Variants in LPIN2 observed in about 807,000 individuals in gnomAD.
The protein encoded by LPIN2 is lipin 2.
Under a neutral mutation model 111.4 loss-of-function variants are expected in LPIN2, and 55 were observed. The ratio of observed to expected loss-of-function variants is 0.49; its 90% CI spans 0.40 to 0.62. LPIN2 has a LOEUF of 0.62. Among genes scored for constraint, LPIN2 ranks in the 20% least tolerant of loss-of-function variants. LPIN2 has a pLI of 0.00. For missense variants in LPIN2, 992 were observed against 1,112.1 expected (o/e 0.89, Z 1.54); for synonymous variants, 425 against 414.0 (o/e 1.03, Z -0.32).
In LPIN2 at chr18:2,928,649, C is replaced by A. The variant is rs1351641398; in HGVS notation, c.1562G>T (p.Trp521Leu). 6.2e-7 allele frequency: 1 copy of A among 1,612,892 alleles called. No individual in the cohort carries two copies. Among genetic ancestry groups the A allele is most frequent in the Non-Finnish European group, 8.5e-7 (1 of 1,179,424 alleles). Residue 521 changes from tryptophan to leucine, a missense_variant, in exon 11 of 20, where the codon TGG (tryptophan) becomes TTG (leucine). Physicochemically the swap from Trp to Leu is moderately conservative, Grantham distance 61 (BLOSUM62 -2). This residue lies in a region of LPIN2 where 709 missense variants were observed against 753.2 expected (regional missense o/e 0.94). Coordinates refer to ENST00000677752, the MANE Select transcript of LPIN2 (RefSeq NM_001375808.2). ...AAGGATCATGGGAGCTGCCAAAGCC[C>A]AGTTATAGTAACTGTGAGAAACAAA... is the stretch of plus-strand genomic sequence containing the variant. ...VIRIYNRYYN[W>L]ALAAPMILSL...
Position 2,919,989 on chromosome 18 carries a change from T to C in LPIN2, c.*304A>G. ...CTTTTTTAGCTGCTTTTTTCTTCCTTTAAAATGATGCAATGGAAGGAGGCC... is the reference window on the plus strand; with the variant it reads ...CTTTTTTAGCTGCTTTTTTCTTCCTCTAAAATGATGCAATGGAAGGAGGCC... On this transcript the variant is annotated 3_prime_UTR_variant, in exon 20 of 20. Coordinates refer to ENST00000677752, the MANE Select transcript of LPIN2 (RefSeq NM_001375808.2). 1 of 469,828 alleles carries C rather than the reference T, an allele frequency of 2.1e-6. No homozygotes were observed. The highest frequency in any genetic ancestry group is 3.9e-6 in the Non-Finnish European group (1 of 254,532). The allele number at this position is 469,828 out of a possible 1,614,324, so 29.1% of individuals were successfully genotyped here. A position where few individuals can be genotyped will look rare whatever the true frequency, so the allele number is the denominator to read the frequency against.
chr18:2,970,765 A>T (rs2077895145), intron 1 of LPIN2, among the ~76,000 whole-genome samples: 1 of 152,222 alleles, frequency 6.6e-6, no homozygotes, highest in Admixed American at 6.5e-5. Context: ...TTTTTTAAAA[A>T]TGAGAAAATA....
rs1438614897 is a variant in LPIN2 at position 2,922,111 on chromosome 18, C to T, written c.2263G>A (p.Gly755Ser). 2 of 1,614,076 alleles carry T rather than the reference C, an allele frequency of 1.2e-6. No individual in the cohort carries two copies. The highest frequency in any genetic ancestry group is 1.7e-6 in the Non-Finnish European group (2 of 1,180,010). ...AGGGGGCCCCGGGGCAAGATTGTGC[C>T]CTTGTCATTGACCCAGTGCAGGTAG... ...RGYLHWVNDK[G>S]TILPRGPLML... Residue 755 changes from glycine (G) to serine (S), a missense_variant, in exon 17 of 20, where the codon GGC (glycine) becomes AGC (serine). Physicochemically the swap from Gly to Ser is moderately conservative, Grantham distance 56 (BLOSUM62 0). Coordinates refer to ENST00000677752, the MANE Select transcript of LPIN2 (RefSeq NM_001375808.2).
At position 2,946,440 on chromosome 18, in the gene LPIN2, A is replaced by G. The variant is rs768914879; in HGVS notation, c.590+4615T>C. On this transcript the variant is annotated intron_variant, in intron 4 of 19. Transcript: ENST00000677752. The stretch of plus-strand genomic sequence containing the variant: ...GACCAACCCTTTAATGCATCGTGAA[A>G]GACTGGAACGCCTGGGTGATATGTG... 9.0e-6 allele frequency: 13 copies of G among 1,441,438 alleles called. No homozygotes were observed. The South Asian group carries it at 1.5e-4, about 16-fold the overall frequency. The allele number at this position is 1,441,438 out of a possible 1,614,324, so 89.3% of individuals were successfully genotyped here.
At chr18:2,934,272 T>A (rs1568530672) in intron 8 of LPIN2, 79 bp downstream of exon 8, 8 of 1,103,084 alleles carry the variant, frequency 7.3e-6, no homozygotes, top group Non-Finnish European at 9.6e-6. Context: ...TTGTTCCTTT[T>A]TCCTGAGATG....
intron 1 of LPIN2, among the ~76,000 whole-genome samples, chr18:3,009,803 A>C (rs1246549936): frequency 6.6e-6 from 1 of 152,242 alleles, no homozygotes; most frequent in Admixed American, 6.5e-5. Context: ...CCGAAATACA[A>C]CATTCAAAGG....
At chr18:2,922,717 G>C (rs1334386610) in intron 16 of LPIN2, among the ~76,000 whole-genome samples, 1 of 152,156 alleles carries the variant, frequency 6.6e-6, no homozygotes, top group Admixed American at 6.5e-5. Context: ...GGAGGTACAG[G>C]CAACTAAGGA....
Position 2,958,173 on chromosome 18 carries a change from AC to A in LPIN2, c.192+2475del, listed in dbSNP as rs1555678292. On this transcript the variant is annotated intron_variant, in intron 2 of 19. Coordinates refer to ENST00000677752, the MANE Select transcript of LPIN2 (RefSeq NM_001375808.2). ...AAAAAAAAAACAACAAAAAAAAAAA[AC>A]AGAAAAAAGAAAAAAAAACTTTTAT... 1.9e-4 allele frequency among the ~76,000 whole-genome samples: 24 copies of A among 126,270 alleles called. 1 individual carries two copies. The highest frequency in any genetic ancestry group is 7.8e-4 in the South Asian group (3 of 3,856). The allele number at this position is 126,270 out of a possible 152,430, so 82.8% of individuals were successfully genotyped here.
At chr18:2,921,774 C>G in intron 17 of LPIN2, 127 bp from the exon 18 acceptor site, 1 of 815,944 alleles carries the variant, frequency 1.2e-6, no homozygotes, top group Non-Finnish European at 2.0e-6. Flanking sequence ...ATCTTTCCTT[C>G]TCCTTCTTTG....
At chr18:2,934,224 GA>G in intron 8 of LPIN2, 126 bp downstream of exon 8, 1 of 695,268 alleles carries the variant, frequency 1.4e-6, no homozygotes. Context: ...TCCAAAACCT[GA>G]AGCCATCATC....
chr18:2,964,333 T>C (rs1439343295), intron 1 of LPIN2, among the ~76,000 whole-genome samples: 1 of 131,416 alleles, frequency 7.6e-6, no homozygotes, highest in Non-Finnish European at 1.6e-5. Context: ...AGTTAAGTAA[T>C]ATCTATGACC....
chr18:2,982,566 A>C, intron 1 of LPIN2: 1 of 397,166 alleles, frequency 2.5e-6, no homozygotes, highest in Non-Finnish European at 5.0e-6. Flanking sequence ...AAGAAAGGGC[A>C]TTAGTCTTTT....
chr18:2,921,901 G>A, intron 17 of LPIN2, 146 bp downstream of exon 17: 3 of 1,176,640 alleles, frequency 2.5e-6, no homozygotes, highest in South Asian at 3.2e-5. Flanking sequence ...AGCAGTATGT[G>A]GTAGGACACC....
In LPIN2 at chr18:2,983,335, A is replaced by T. The variant is rs72871460; in HGVS notation, c.-9-22486T>A. Among the ~76,000 whole-genome samples the T allele has an allele frequency of 7.6e-3, 1,155 of 152,210 alleles. 5 individuals carry two copies. The highest frequency in any genetic ancestry group is 0.024 in the Middle Eastern group (7 of 294). ...CAAGGTATTTTCACAATTCTGGGAG[A>T]TATCCTGCTCAGTACTGTATATAAC... On this transcript the variant is annotated intron_variant, in intron 1 of 19. Coordinates refer to ENST00000677752, the MANE Select transcript of LPIN2 (RefSeq NM_001375808.2).
In LPIN2 at chr18:2,917,612, T is replaced by C. The variant is rs892223476; in HGVS notation, c.*2681A>G. 1.3e-5 allele frequency: 2 copies of C among 152,152 alleles called. No homozygotes were observed. The highest frequency in any genetic ancestry group is 4.8e-5 in the African/African-American group (2 of 41,408). 9.4% of individuals were successfully genotyped at this position (152,152 alleles called of 1,614,324 possible). A position where few individuals can be genotyped will look rare whatever the true frequency, so the allele number is the denominator to read the frequency against. The stretch of plus-strand genomic sequence containing the variant: ...ATTTTTAAGTTTTTTCTTTTTCCAG[T>C]TGAAAACTATGCAGATGTTTTTAGA... On this transcript the variant is annotated 3_prime_UTR_variant, in exon 20 of 20. Transcript: ENST00000677752.
At chr18:2,957,555 T>A (rs919490681) in intron 2 of LPIN2, among the ~76,000 whole-genome samples, 2 of 152,164 alleles carry the variant, frequency 1.3e-5, no homozygotes, top group Non-Finnish European at 2.9e-5. Flanking sequence ...AATAAATATA[T>A]CTCTTTCCCA....
At position 2,949,691 on chromosome 18, in the gene LPIN2, C is replaced by A. The variant is rs1243501359; in HGVS notation, c.590+1364G>T. Among the ~76,000 whole-genome samples, 5 of 152,082 alleles carry A rather than the reference C, an allele frequency of 3.3e-5. No homozygotes were observed. In the East Asian group the frequency reaches 9.6e-4, roughly 29 times the overall value. On this transcript the variant is annotated intron_variant, in intron 4 of 19. Transcript: ENST00000677752. ...TACTATCAAATATAGATGTTTAATT[C>A]TAAGATTTAAAATCTAGATTTCAAA... is the stretch of plus-strand genomic sequence containing the variant.
intron 2 of LPIN2, 133 bp downstream of exon 2, chr18:2,960,514 TAA>T (rs376940122): frequency 9.3e-3 from 6,578 of 709,508 alleles, no homozygotes; most frequent in Non-Finnish European, 0.01. Flanking sequence ...TCATTCAGGT[TAA>T]AAAAAAAAAA....
At chr18:2,931,537 C>T (rs2077213810) in intron 8 of LPIN2, 94 bp from the exon 9 acceptor site, 1 of 1,231,098 alleles carries the variant, frequency 8.1e-7, no homozygotes, top group African/African-American at 1.5e-5. Context: ...AACCAAATAA[C>T]ACATCCGCTA....
Sources: gnomAD v4.1 joint callset for allele counts (sites outside exome capture counted in the v4.1 genomes callset) on GRCh38, gnomAD v4.1.1 for gene constraint, gnomAD v4.1.1 regional missense constraint, MANE v1.5 for transcripts, NCBI Gene and HGNC (gene_info 2026-07-23, HGNC 2026-07-21) for gene names.